The following CHRNA5 variants were observed in gnomAD, a reference collection of about 807,000 sequenced individuals.
The protein encoded by CHRNA5 is cholinergic receptor nicotinic alpha 5 subunit.
Under a neutral mutation model 41.2 loss-of-function variants are expected in CHRNA5, and 28 were observed. The ratio of observed to expected loss-of-function variants is 0.68; its 90% CI spans 0.50 to 0.93. The LOEUF (loss-of-function observed/expected upper bound fraction) is 0.93. CHRNA5 is among the 40% of genes least tolerant of loss of function. The probability of loss-of-function intolerance (pLI) is 0.00; values close to 1 mark genes in which losing one functional copy is unlikely to be tolerated. For synonymous variants in CHRNA5, 188 were observed against 205.8 expected, an observed-to-expected ratio of 0.91 and a Z score of 0.74; for missense variants, 481 against 581.9, an observed-to-expected ratio of 0.83 and a Z score of 1.78.
chr15:78,574,972 TAA>T (rs375021466), intron 1 of CHRNA5, among the ~76,000 whole-genome samples: 54 of 135,152 alleles, frequency 4.0e-4, no homozygotes, highest in Admixed American at 4.5e-4. Flanking sequence ...GACCCTGTCT[TAA>T]AAAAAAAAAA....
chr15:78,575,356 ACTT>A (rs1240556539), intron 1 of CHRNA5, among the ~76,000 whole-genome samples: 1 of 152,168 alleles, frequency 6.6e-6, no homozygotes, highest in African/African-American at 2.4e-5. Context: ...ACTTTTAACT[ACTT>A]TAGAAGAATT....
exon 6 of CHRNA5, chr15:78,594,119 T>G (rs1007278438): frequency 2.0e-5 from 3 of 152,208 alleles, no homozygotes; most frequent in African/African-American, 7.2e-5. Flanking sequence ...AAAACAGGAA[T>G]TGGGAACTCC....
intron 2 of CHRNA5, among the ~76,000 whole-genome samples, chr15:78,584,580 A>C (rs749752880): frequency 1.3e-5 from 2 of 152,176 alleles, no homozygotes; most frequent in Non-Finnish European, 2.9e-5. Context: ...TTGTGAACTT[A>C]TGGATTATTC....
exon 6 of CHRNA5, chr15:78,594,020 C>T (rs2053056715): frequency 6.6e-6 from 1 of 152,128 alleles, no homozygotes; most frequent in African/African-American, 2.4e-5. Context: ...GCCTGGGCAA[C>T]AAGAGCAAAA....
rs2052978056 is a variant in CHRNA5 at position 78,588,148 on chromosome 15, G to A, written c.304-166G>A. On this transcript the variant is annotated intron_variant, in intron 3 of 5. Coordinates refer to ENST00000299565, the Ensembl canonical transcript of CHRNA5. This position sits in a 1 kb window ranked among gnomAD's most constrained non-coding sequence, Gnocchi z 4.1. Reference sequence around the variant, plus strand: ...CCATGGTGAGAACCACTACACAAGGGGACAGGGTTATCTGGTGCCCATAAT... The same window carrying A: ...CCATGGTGAGAACCACTACACAAGGAGACAGGGTTATCTGGTGCCCATAAT... 6.6e-6 allele frequency among the ~76,000 whole-genome samples: 1 copy of A among 152,108 alleles called. No homozygotes were observed. The highest frequency in any genetic ancestry group is 2.4e-5 in the African/African-American group (1 of 41,414).
At chr15:78,580,673 A>C (rs72648880) in intron 1 of CHRNA5, 138 bp from the exon 2 acceptor site, 7 of 517,206 alleles carry the variant, frequency 1.4e-5, no homozygotes, top group Non-Finnish European at 2.0e-5. Context: ...GTCTCTCTCC[A>C]TGGCCCAGGT....
chr15:78,592,076 C>T (rs1232299825), intron 5 of CHRNA5, among the ~76,000 whole-genome samples: 1 of 152,162 alleles, frequency 6.6e-6, no homozygotes, highest in Non-Finnish European at 1.5e-5. Flanking sequence ...GTAATCCCAG[C>T]ACTTTGGGAG....
intron 1 of CHRNA5, among the ~76,000 whole-genome samples, chr15:78,568,991 A>G (rs1161136932): frequency 6.6e-6 from 1 of 152,240 alleles, no homozygotes; most frequent in Non-Finnish European, 1.5e-5. Context: ...TTCAGAAGCT[A>G]ACAGAAATAC....
intron 1 of CHRNA5, among the ~76,000 whole-genome samples, chr15:78,576,947 G>A (rs1015035453): frequency 6.6e-6 from 1 of 152,110 alleles, no homozygotes; most frequent in African/African-American, 2.4e-5. Flanking sequence ...ATTTGATTCA[G>A]TTTATTTAGA....
chr15:78,586,541 C>T (rs1596062706), intron 2 of CHRNA5, 104 bp from the exon 3 acceptor site: 1 of 663,582 alleles, frequency 1.5e-6, no homozygotes, highest in South Asian at 2.2e-5. Context: ...AATGTGGGTA[C>T]TATGTGAAGA....
chr15:78,565,639 G>C (rs963320251), exon 1 of CHRNA5: 1 of 357,466 alleles, frequency 2.8e-6, no homozygotes, highest in Non-Finnish European at 4.3e-6. Context: ...CTCACACTCA[G>C]TGCTCCATTC....
chr15:78,587,729 A>G (rs552078764), intron 3 of CHRNA5, among the ~76,000 whole-genome samples: 1 of 152,250 alleles, frequency 6.6e-6, no homozygotes, highest in South Asian at 2.1e-4. Context: ...GCCACCATAC[A>G]TATGTCCTAA....
intron 5 of CHRNA5, 140 bp downstream of exon 5, chr15:78,590,776 T>C (rs1252142264): frequency 2.8e-6 from 2 of 704,752 alleles, no homozygotes; most frequent in Admixed American, 6.3e-5. Context: ...TTGACATATT[T>C]TCTATAAAAG....
At chr15:78,573,877 ACCT>A (rs2052829857) in intron 1 of CHRNA5, among the ~76,000 whole-genome samples, 1 of 143,532 alleles carries the variant, frequency 7.0e-6, no homozygotes, top group Non-Finnish European at 1.5e-5. Context: ...TGCAACCTCC[ACCT>A]CCCAGGTTCA....
chr15:78,579,078 A>AT (rs1056685952), intron 1 of CHRNA5, among the ~76,000 whole-genome samples: 98 of 147,904 alleles, frequency 6.6e-4, no homozygotes, highest in African/African-American at 2.2e-3. Flanking sequence ...CCTTAAATAG[A>AT]TTTTTTTGAA....
At chr15:78,578,103 A>G (rs555029924) in intron 1 of CHRNA5, among the ~76,000 whole-genome samples, 1 of 152,296 alleles carries the variant, frequency 6.6e-6, no homozygotes, top group African/African-American at 2.4e-5. Context: ...CTAGTGTATA[A>G]TTTTCTAAAT....
chr15:78,594,272 C>T (rs79604589), exon 6 of CHRNA5: 1 of 152,150 alleles, frequency 6.6e-6, no homozygotes, highest in Non-Finnish European at 1.5e-5. Context: ...GTCCTCTTGT[C>T]CACATTTCCC....
intron 5 of CHRNA5, among the ~76,000 whole-genome samples, chr15:78,591,669 TTAA>T (rs1596064990): frequency 6.6e-6 from 1 of 152,174 alleles, no homozygotes; most frequent in East Asian, 1.9e-4. Context: ...TTTTCATATG[TTAA>T]TGATTTAATT....
At chr15:78,567,746 C>A (rs1324150624) in intron 1 of CHRNA5, among the ~76,000 whole-genome samples, 2 of 152,214 alleles carry the variant, frequency 1.3e-5, no homozygotes, top group Admixed American at 1.3e-4. Context: ...GTTTCTCCAT[C>A]TGGATGGTGA....
Sources: allele counts gnomAD v4.1 joint callset (sites outside exome capture counted in the v4.1 genomes callset), GRCh38; gene constraint gnomAD v4.1.1; non-coding constraint Gnocchi (gnomAD v3.1); transcripts MANE v1.5; gene names NCBI Gene and HGNC (gene_info 2026-07-23, HGNC 2026-07-21).